The following SLC9B1 variants were observed in gnomAD, a reference collection of about 807,000 sequenced individuals.
SLC9B1 encodes sodium/hydrogen exchanger 9B1.
A neutral mutation model predicts 51.7 loss-of-function variants in SLC9B1; 32 were observed. The ratio of observed to expected loss-of-function variants is 0.62; its 90% CI spans 0.47 to 0.83. The LOEUF is 0.83. SLC9B1 is among the 40% of genes least tolerant of loss of function. The pLI, the probability that SLC9B1 is intolerant of heterozygous loss-of-function variation, is 0.00. For synonymous variants in SLC9B1, 145 were observed against 212.7 expected (o/e 0.68, Z 2.77); for missense variants, 406 against 613.2 (o/e 0.66, Z 3.57).
intron 1 of SLC9B1, among the ~76,000 whole-genome samples, chr4:103,012,841 G>A (rs933322282): frequency 6.6e-6 from 1 of 152,126 alleles, no homozygotes. Context: ...TGGAAGGCAT[G>A]TAAAGGCAAA....
intron 3 of SLC9B1, among the ~76,000 whole-genome samples, chr4:102,955,025 T>C (rs1336698972): frequency 1.3e-5 from 2 of 152,166 alleles, no homozygotes; most frequent in Non-Finnish European, 2.9e-5. Context: ...TGTTAGGGTT[T>C]TGGGTAGGAT....
chr4:102,925,312 C>G (rs1257422916), intron 7 of SLC9B1, among the ~76,000 whole-genome samples: 1 of 152,042 alleles, frequency 6.6e-6, no homozygotes, highest in Non-Finnish European at 1.5e-5. Context: ...GGACAGAAAA[C>G]CAAACACCGC....
At chr4:103,006,089 C>T (rs1052243598) in intron 1 of SLC9B1, among the ~76,000 whole-genome samples, 2 of 151,726 alleles carry the variant, frequency 1.3e-5, no homozygotes, top group African/African-American at 4.8e-5. Context: ...AAAGAAATAA[C>T]CAAAATTACA....
chr4:102,958,431 T>C (rs757308188), intron 3 of SLC9B1, among the ~76,000 whole-genome samples: 4 of 152,184 alleles, frequency 2.6e-5, no homozygotes, highest in Non-Finnish European at 4.4e-5. Context: ...TTATAAATTA[T>C]CGAGTCTCAG....
intron 3 of SLC9B1, chr4:102,962,088 C>T (rs1738167667): frequency 8.1e-6 from 3 of 371,116 alleles, no homozygotes; most frequent in Non-Finnish European, 1.6e-5. Context: ...TTGAGCTGCA[C>T]CCACTGCTCT....
At chr4:102,907,934 T>A (rs1208297444) in intron 9 of SLC9B1, among the ~76,000 whole-genome samples, 2 of 152,268 alleles carry the variant, frequency 1.3e-5, no homozygotes, top group Admixed American at 6.5e-5. Context: ...GTTTTAATTT[T>A]ATTTATTGAT....
At chr4:102,973,969 C>T (rs921920402) in intron 3 of SLC9B1, among the ~76,000 whole-genome samples, 16 of 152,094 alleles carry the variant, frequency 1.1e-4, no homozygotes, top group African/African-American at 3.9e-4. Context: ...GGCATGGTGG[C>T]TCAGGCCTGT....
intron 7 of SLC9B1, among the ~76,000 whole-genome samples, chr4:102,922,030 G>A (rs1735905551): frequency 6.6e-6 from 1 of 152,142 alleles, no homozygotes; most frequent in Non-Finnish European, 1.5e-5. Flanking sequence ...AAGATATCCA[G>A]GACCTGAACT....
At chr4:103,005,771 T>C (rs1488539264) in intron 1 of SLC9B1, among the ~76,000 whole-genome samples, 1 of 152,084 alleles carries the variant, frequency 6.6e-6, no homozygotes, top group African/African-American at 2.4e-5. Context: ...GCAGTAACAA[T>C]AGAAATAAAT....
intron 3 of SLC9B1, among the ~76,000 whole-genome samples, chr4:102,973,194 G>C (rs962991538): frequency 1.3e-5 from 2 of 152,090 alleles, no homozygotes; most frequent in African/African-American, 4.8e-5. Context: ...TGAAAATCCA[G>C]GTATCACCTG....
chr4:102,973,531 C>A (rs1481204130), intron 3 of SLC9B1, among the ~76,000 whole-genome samples: 2 of 151,966 alleles, frequency 1.3e-5, no homozygotes, highest in Non-Finnish European at 2.9e-5. Flanking sequence ...ATTAAAAAAG[C>A]TTAATTTAAA....
intron 7 of SLC9B1, among the ~76,000 whole-genome samples, chr4:102,922,291 A>G (rs993915771): frequency 5.3e-5 from 8 of 152,212 alleles, no homozygotes; most frequent in Middle Eastern, 3.2e-3. Context: ...GGAACTGAAC[A>G]ATTTGCTCCT....
rs1171771511 is a variant in SLC9B1 at position 102,954,286 on chromosome 4, G to A, written c.212-4859C>T. 7.3e-5 allele frequency among the ~76,000 whole-genome samples: 4 copies of A among 54,672 alleles called. 2 individuals carry two copies. The highest frequency in any genetic ancestry group is 4.4e-4 in the African/African-American group (4 of 9,032). The allele number at this position is 54,672 out of a possible 152,430, so 35.9% of individuals were successfully genotyped here. A position where few individuals can be genotyped will look rare whatever the true frequency, so the allele number is the denominator to read the frequency against. ...TGCTGGATTACATTTATTGATTTGC[G>A]TATATTGAACCAGCCTTGCATCCCA... On this transcript the variant is annotated intron_variant, in intron 3 of 11. Coordinates refer to ENST00000296422, the MANE Select transcript of SLC9B1 (RefSeq NM_139173.4).
intron 3 of SLC9B1, among the ~76,000 whole-genome samples, chr4:102,984,538 A>G (rs1233803174): frequency 6.6e-6 from 1 of 152,188 alleles, no homozygotes; most frequent in Non-Finnish European, 1.5e-5. Context: ...ATTTTTAGTT[A>G]AAATTCATTG....
chr4:102,943,506 T>TACAC (rs373442152), intron 6 of SLC9B1, among the ~76,000 whole-genome samples: 4,269 of 145,566 alleles, frequency 0.029, 171 homozygotes, highest in African/African-American at 0.091. Flanking sequence ...TGTGTATGTA[T>TACAC]ACACACACAC....
intron 11 of SLC9B1, chr4:102,889,611 G>A (rs1734132737): frequency 2.0e-5 from 3 of 150,228 alleles, no homozygotes; most frequent in Non-Finnish European, 3.0e-5. Flanking sequence ...AAGTAAGATG[G>A]TTGTACTCTC....
At chr4:102,926,413 A>G (rs62327300) in intron 7 of SLC9B1, among the ~76,000 whole-genome samples, 2,072 of 101,102 alleles carry the variant, frequency 0.02, no homozygotes, top group Middle Eastern at 0.073. Flanking sequence ...AGGATACAAA[A>G]TCAATGTGCA....
intron 1 of SLC9B1, among the ~76,000 whole-genome samples, chr4:103,009,583 G>A (rs1299789436): frequency 1.3e-5 from 2 of 152,158 alleles, no homozygotes; most frequent in East Asian, 1.9e-4. Flanking sequence ...TCCTTCCACT[G>A]AGAGTGGCAA....
chr4:102,928,194 G>T (rs1736283891), intron 7 of SLC9B1, among the ~76,000 whole-genome samples: 1 of 152,092 alleles, frequency 6.6e-6, no homozygotes, highest in South Asian at 2.1e-4. Context: ...CCTGCATGTT[G>T]TGCACCTGTA....
Sources: allele counts gnomAD v4.1 joint callset (sites outside exome capture counted in the v4.1 genomes callset), GRCh38; gene constraint gnomAD v4.1.1; transcripts MANE v1.5; gene names NCBI Gene and HGNC (gene_info 2026-07-23, HGNC 2026-07-21).